HHIPL1: variants seen among roughly 807,000 people sequenced by gnomAD.
The protein encoded by HHIPL1 is HHIP-like protein 1.
In HHIPL1, 43 loss-of-function variants were observed where a neutral mutation model predicts 61.8. The observed-to-expected ratio is 0.70, with a 90% CI of 0.55 to 0.90. HHIPL1 has a LOEUF of 0.90. Ranked by LOEUF, HHIPL1 falls within the 40% of genes least tolerant of loss-of-function variation. HHIPL1 has a pLI of 0.00. For synonymous variants in HHIPL1, 482 were observed against 515.8 expected, an observed-to-expected ratio of 0.93 and a Z score of 0.89; for missense variants, 1,056 against 1,157.7, an observed-to-expected ratio of 0.91 and a Z score of 1.28.
chr14:99,611,091 G>A, the HHIPL1 span, among the ~76,000 whole-genome samples: 3 of 152,172 alleles, frequency 2.0e-5, no homozygotes, highest in Non-Finnish European at 2.9e-5. Context: ...TCCATTGCAT[G>A]CATATATTAC....
At position 99,665,086 on chromosome 14, in the gene HHIPL1, G is replaced by C. The variant is rs189143264; in HGVS notation, c.1648+2065G>C. On this transcript the variant is annotated intron_variant, in intron 6 of 8. Transcript: ENST00000330710. The stretch of plus-strand genomic sequence containing the variant: ...TTACTGGTGCGTGCCGCCACACCCG[G>C]CTAATTTTTGTATTTTTTTTAGTAG... 2.7e-3 allele frequency among the ~76,000 whole-genome samples: 403 copies of C among 152,012 alleles called. 3 individuals are homozygous for C. The highest frequency in any genetic ancestry group is 0.023 in the Admixed American group (353 of 15,252).
Position 99,677,693 on chromosome 14 carries a change from C to T in HHIPL1, c.*2067C>T, listed in dbSNP as rs1328100043. The stretch of plus-strand genomic sequence containing the variant: ...GCCTTGAGGCCCTCAAGAATGCAGC[C>T]GAGCCAGGGCCCTGCTTGCCTGGCC... On this transcript the variant is annotated 3_prime_UTR_variant, in exon 9 of 9. Transcript: ENST00000330710. This position sits in a 1 kb window ranked among gnomAD's most constrained non-coding sequence, Gnocchi z 4.3. 1.3e-5 allele frequency: 2 copies of T among 152,216 alleles called. No individual in the cohort carries two copies. Among genetic ancestry groups the T allele is most frequent in the Non-Finnish European group, 1.5e-5 (1 of 68,072 alleles). 9.4% of individuals were successfully genotyped at this position (152,216 alleles called of 1,614,324 possible).
chr14:99,638,132 C>T, the HHIPL1 span, among the ~76,000 whole-genome samples: 6 of 152,192 alleles, frequency 3.9e-5, no homozygotes, highest in Non-Finnish European at 7.3e-5. Context: ...CTGAGGTCTG[C>T]GCTGGCCCCT....
chr14:99,605,222 C>T, the HHIPL1 span, among the ~76,000 whole-genome samples: 1 of 152,274 alleles, frequency 6.6e-6, no homozygotes, highest in Non-Finnish European at 1.5e-5. Flanking sequence ...CCCACTGGGG[C>T]CTGAACGCCG....
At chr14:99,626,147 A>T in the HHIPL1 span, among the ~76,000 whole-genome samples, 7 of 151,948 alleles carry the variant, frequency 4.6e-5, no homozygotes, top group Non-Finnish European at 8.8e-5. Flanking sequence ...CTCATGATGT[A>T]GTCAACGTGT....
rs969914693 is a variant in HHIPL1 at position 99,645,238 on chromosome 14, G to T, written c.31G>T (p.Ala11Ser). ...CCGGGCCAGGGCCGGGGCGCTGCTGGCGCTTTGGGTGCTCGGGGCCGCCGC... is the reference window on the plus strand; with the variant it reads ...CCGGGCCAGGGCCGGGGCGCTGCTGTCGCTTTGGGTGCTCGGGGCCGCCGC... The part of the protein sequence containing the change: MARARAGALL[A>S]LWVLGAAAHP... The change falls in exon 1 of 9, where the codon GCG (alanine) becomes TCG (serine). Residue 11 changes from alanine (A) to serine (S), a missense_variant. Transcript: ENST00000330710. 1 of 1,342,954 alleles carries T rather than the reference G, an allele frequency of 7.4e-7. No individual in the cohort carries two copies. Among genetic ancestry groups the T allele is most frequent in the Non-Finnish European group, 9.5e-7 (1 of 1,050,352 alleles). The allele number at this position is 1,342,954 out of a possible 1,614,324, so 83.2% of individuals were successfully genotyped here. A position where few individuals can be genotyped will look rare whatever the true frequency, so the allele number is the denominator to read the frequency against.
At chr14:99,613,663 C>T in the HHIPL1 span, among the ~76,000 whole-genome samples, 1 of 151,948 alleles carries the variant, frequency 6.6e-6, no homozygotes, top group South Asian at 2.1e-4. Context: ...AATCCCAGCA[C>T]TTTGGGAGGC....
At chr14:99,653,927 G>A (rs2055982661) in intron 2 of HHIPL1, among the ~76,000 whole-genome samples, 3 of 152,216 alleles carry the variant, frequency 2.0e-5, no homozygotes, top group African/African-American at 7.2e-5. Flanking sequence ...AGTGGCTCAC[G>A]CCAGTAATCT....
At position 99,656,777 on chromosome 14, in the gene HHIPL1, AAAAG is replaced by A. The variant is rs1223501901; in HGVS notation, c.903-219_903-216del. ...GTGACAGAGCAACACTCTGTCTGCA[AAAAG>A]AAAAGAAAAGAAAGAAAGAAAGAAA... is the stretch of plus-strand genomic sequence containing the variant. On this transcript the variant is annotated intron_variant, in intron 2 of 8. Transcript: ENST00000330710. 5.9e-4 allele frequency among the ~76,000 whole-genome samples: 3 copies of A among 5,054 alleles called. 1 individual carries two copies. The highest frequency in any genetic ancestry group is 0.025 in the Non-Finnish European group (1 of 40). 3.3% of individuals were successfully genotyped at this position (5,054 alleles called of 152,430 possible).
chr14:99,632,267 G>A, the HHIPL1 span, among the ~76,000 whole-genome samples: 1 of 151,914 alleles, frequency 6.6e-6, no homozygotes, highest in African/African-American at 2.4e-5. Context: ...CCAGGCCCTA[G>A]CAGGAATCTT....
At chr14:99,633,930 G>A in the HHIPL1 span, among the ~76,000 whole-genome samples, 1 of 152,262 alleles carries the variant, frequency 6.6e-6, no homozygotes, top group Non-Finnish European at 1.5e-5. Flanking sequence ...TGGTGTGTGA[G>A]AAAAGCACTG....
chr14:99,629,114 GATCAC>G, the HHIPL1 span, among the ~76,000 whole-genome samples: 2 of 152,152 alleles, frequency 1.3e-5, no homozygotes, highest in African/African-American at 4.8e-5. Context: ...TGGGGACCCA[GATCAC>G]GTGCCAGGCA....
At position 99,660,456 on chromosome 14, in the gene HHIPL1, G is replaced by A. The variant is rs1341544214; in HGVS notation, c.1502+50G>A. The A allele has an allele frequency of 6.3e-7, 1 of 1,582,672 alleles. No individual in the cohort carries two copies. Among genetic ancestry groups the A allele is most frequent in the Non-Finnish European group, 8.6e-7 (1 of 1,160,580 alleles). On this transcript the variant is annotated intron_variant, in intron 5 of 8. Coordinates refer to ENST00000330710, the MANE Select transcript of HHIPL1 (RefSeq NM_001127258.3). This position sits in a 1 kb window ranked among gnomAD's most constrained non-coding sequence, Gnocchi z 4.9. ...CCCTGGCTGCTGCCACTGGCTCCTT[G>A]GGACTGGCTCCTTGGTAAAGGGGAG... is the stretch of plus-strand genomic sequence containing the variant.
At chr14:99,606,631 T>A in the HHIPL1 span, among the ~76,000 whole-genome samples, 1 of 152,318 alleles carries the variant, frequency 6.6e-6, no homozygotes, top group African/African-American at 2.4e-5. Context: ...AAGAAGAAAG[T>A]GAAGCCTCTA....
At chr14:99,634,911 A>G in the HHIPL1 span, among the ~76,000 whole-genome samples, 146,242 of 152,276 alleles carry the variant, frequency 0.96, 70,512 homozygotes, top group East Asian at 1. Flanking sequence ...TCAAACACAC[A>G]CAGACTGGAG....
chr14:99,652,873 G>A lies in HHIPL1; in HGVS notation c.902+3G>A. The stretch of plus-strand genomic sequence containing the variant: ...GCCGTGGACCACAGCTCTGAGAGGT[G>A]GCTTCCTTGGGGAACCCGGGCCTGG... On this transcript the variant is annotated splice_donor_region_variant and intron_variant, in intron 2 of 8. Coordinates refer to ENST00000330710, the MANE Select transcript of HHIPL1 (RefSeq NM_001127258.3). 1 of 1,609,850 alleles carries A rather than the reference G, an allele frequency of 6.2e-7. No homozygotes were observed. Among genetic ancestry groups the A allele is most frequent in the South Asian group, 1.1e-5 (1 of 90,786 alleles).
the HHIPL1 span, among the ~76,000 whole-genome samples, chr14:99,629,784 T>C: frequency 6.6e-6 from 1 of 152,216 alleles, no homozygotes; most frequent in African/African-American, 2.4e-5. Flanking sequence ...ATTACAGGCG[T>C]AAGCCACCGC....
At chr14:99,608,194 T>A in the HHIPL1 span, among the ~76,000 whole-genome samples, 1 of 151,862 alleles carries the variant, frequency 6.6e-6, no homozygotes, top group South Asian at 2.1e-4. Flanking sequence ...GTGGGGAAAG[T>A]CGGGAAGAGG....
intron 6 of HHIPL1, among the ~76,000 whole-genome samples, chr14:99,663,311 G>A (rs1485808968): frequency 6.6e-6 from 1 of 152,190 alleles, no homozygotes; most frequent in African/African-American, 2.4e-5. Flanking sequence ...CATAGACAGA[G>A]CAGTCCCGAG....
Sources: gnomAD v4.1 joint callset for allele counts (sites outside exome capture counted in the v4.1 genomes callset) on GRCh38, gnomAD v4.1.1 for gene constraint, Gnocchi (gnomAD v3.1) non-coding constraint, MANE v1.5 for transcripts, NCBI Gene and HGNC (gene_info 2026-07-23, HGNC 2026-07-21) for gene names.